PSD3: variants seen among roughly 807,000 people sequenced by gnomAD.
The protein encoded by PSD3 is pleckstrin and Sec7 domain containing 3, also known as PH and SEC7 domain-containing protein 3.
In PSD3, 49 loss-of-function variants were observed where a neutral mutation model predicts 105.5. The ratio of observed to expected loss-of-function variants is 0.46; its 90% confidence interval spans 0.37 to 0.59. The LOEUF is 0.59. PSD3 is among the 20% of genes least tolerant of loss of function. The pLI is 0.00. For synonymous variants in PSD3, 557 were observed against 457.8 expected (o/e 1.22, Z -2.77); for missense variants, 1,561 against 1,263.8 (o/e 1.24, Z -3.57).
intron 1 of PSD3, among the ~76,000 whole-genome samples, chr8:18,956,365 G>C (rs1020086039): frequency 6.6e-6 from 1 of 152,136 alleles, no homozygotes; most frequent in African/African-American, 2.4e-5. Flanking sequence ...CTGACAGTCT[G>C]CATTTCTAAC....
At position 18,903,302 on chromosome 8, in the gene PSD3, C is replaced by T. The variant is rs576698224; in HGVS notation, c.131-30569G>A. Among the ~76,000 whole-genome samples the T allele has an allele frequency of 4.1e-4, 62 of 152,242 alleles. 2 individuals are homozygous for T. In the East Asian group the frequency reaches 9.9e-3, roughly 24 times the overall value. ...ACTCGGGTCCCAGGGAATGAGTCACCTTGTGGTAGTGACTCTAGACCCTGG... is the reference window on the plus strand; with the variant it reads ...ACTCGGGTCCCAGGGAATGAGTCACTTTGTGGTAGTGACTCTAGACCCTGG... On this transcript the variant is annotated intron_variant, in intron 2 of 15. Coordinates refer to ENST00000327040, the MANE Select transcript of PSD3 (RefSeq NM_015310.4).
intron 8 of PSD3, among the ~76,000 whole-genome samples, chr8:18,786,064 C>A (rs1010883248): frequency 6.6e-6 from 1 of 152,082 alleles, no homozygotes; most frequent in African/African-American, 2.4e-5. Flanking sequence ...CTTAAACTTA[C>A]AATAAAAAGT....
At chr8:19,045,419 A>C (rs1828282292) in intron 1 of PSD3, among the ~76,000 whole-genome samples, 1 of 152,184 alleles carries the variant, frequency 6.6e-6, no homozygotes, top group South Asian at 2.1e-4. Context: ...CAAAAGTGTT[A>C]AGGGAGGTGA....
chr8:18,789,233 A>T lies in PSD3; in HGVS notation c.2082+10062T>A, dbSNP rs142191012. On this transcript the variant is annotated intron_variant, in intron 8 of 15. Transcript: ENST00000327040. ...AACCCTATTTTTATAGTAACACTAA[A>T]AACATTTTTTTCATTCTCTCAAATA... is the stretch of plus-strand genomic sequence containing the variant. Among the ~76,000 whole-genome samples, 13 of 152,248 alleles carry T rather than the reference A, an allele frequency of 8.5e-5. No individual in the cohort carries two copies. The East Asian group carries it at 2.5e-3, about 29-fold the overall frequency.
At chr8:18,637,635 C>A (rs146338882) in intron 10 of PSD3, among the ~76,000 whole-genome samples, 2 of 152,182 alleles carry the variant, frequency 1.3e-5, no homozygotes, top group Non-Finnish European at 2.9e-5. Flanking sequence ...TTGTAAAGTA[C>A]CATTTCATTT....
upstream of PSD3, among the ~76,000 whole-genome samples, chr8:19,013,838 G>T (rs1827077125): frequency 6.7e-6 from 1 of 150,350 alleles, no homozygotes; most frequent in Admixed American, 6.6e-5. Flanking sequence ...CCCGGGGGCG[G>T]AGGGCGGAGG....
rs1563368113 is a variant in PSD3 at position 18,871,635 on chromosome 8, T to C, written c.1229A>G (p.Asp410Gly). 2 of 1,601,992 alleles carry C rather than the reference T, an allele frequency of 1.2e-6. No individual in the cohort carries two copies. The highest frequency in any genetic ancestry group is 1.1e-5 in the South Asian group (1 of 88,744). ...HLEKTPKPER[D>G]RERISEQEEH... ...TACTATGGGAGCTCACCTTTCCCTG[T>C]CTCTCTCTGGTTTAGGTGTCTTCTC... The change falls in exon 3 of 16, where the codon GAC (aspartate) becomes GGC (glycine). Residue 410 changes from aspartate (D) to glycine (G), a missense_variant. Asp to Gly is a moderately conservative substitution (Grantham distance 94, BLOSUM62 -1). Transcript: ENST00000327040.
intron 1 of PSD3, among the ~76,000 whole-genome samples, chr8:18,952,352 A>T (rs1823292648): frequency 6.7e-6 from 1 of 150,328 alleles, no homozygotes; most frequent in African/African-American, 2.5e-5. Flanking sequence ...CTTGCCAGAG[A>T]CCTAAAAACG....
chr8:18,600,468 G>A, intron 11 of PSD3, 34 bp from the exon 12 acceptor site: 1 of 1,467,366 alleles, frequency 6.8e-7, no homozygotes, highest in African/African-American at 1.4e-5. Context: ...AATTTTATTT[G>A]ACATCAGCAT....
At chr8:18,784,236 G>C (rs777958611) in intron 8 of PSD3, among the ~76,000 whole-genome samples, 4 of 152,036 alleles carry the variant, frequency 2.6e-5, no homozygotes, top group Non-Finnish European at 5.9e-5. Flanking sequence ...GTGATTCTAA[G>C]CATTATTTAA....
intron 2 of PSD3, among the ~76,000 whole-genome samples, chr8:18,887,438 A>G (rs1818513102): frequency 6.6e-6 from 1 of 152,212 alleles, no homozygotes; most frequent in Non-Finnish European, 1.5e-5. Context: ...TTAAATATGA[A>G]GCCATAAACT....
intron 1 of PSD3, among the ~76,000 whole-genome samples, chr8:18,982,225 T>A (rs1427787550): frequency 1.3e-5 from 2 of 152,228 alleles, no homozygotes; most frequent in Non-Finnish European, 2.9e-5. Context: ...TGGTGCATCC[T>A]GGAATTGTAG....
intron 11 of PSD3, among the ~76,000 whole-genome samples, chr8:18,617,947 A>G (rs897905719): frequency 6.6e-6 from 1 of 152,200 alleles, no homozygotes; most frequent in Non-Finnish European, 1.5e-5. Flanking sequence ...GGAAATCTGC[A>G]TTCTATAGAG....
chr8:18,846,000 C>A (rs1490898716), intron 4 of PSD3, among the ~76,000 whole-genome samples: 2 of 152,184 alleles, frequency 1.3e-5, no homozygotes, highest in Non-Finnish European at 2.9e-5. Flanking sequence ...CGAAAGCATT[C>A]CACTCTCTGG....
At chr8:19,004,167 T>C (rs1826544934) in intron 1 of PSD3, among the ~76,000 whole-genome samples, 1 of 152,030 alleles carries the variant, frequency 6.6e-6, no homozygotes. Context: ...CAATTCTCTG[T>C]CTAATCCAGG....
chr8:18,880,936 T>C (rs1586314349), intron 2 of PSD3, among the ~76,000 whole-genome samples: 1 of 152,334 alleles, frequency 6.6e-6, no homozygotes, highest in South Asian at 2.1e-4. Flanking sequence ...GCGTGTATTT[T>C]TCCCCTTAAA....
intron 15 of PSD3, among the ~76,000 whole-genome samples, chr8:18,541,409 G>A (rs575079055): frequency 4.6e-5 from 7 of 152,290 alleles, no homozygotes; most frequent in East Asian, 3.9e-4. Context: ...GGATACCCAC[G>A]TTGATGGCAG....
intron 9 of PSD3, among the ~76,000 whole-genome samples, chr8:18,702,829 G>C (rs1325999653): frequency 6.6e-6 from 1 of 151,890 alleles, no homozygotes; most frequent in Non-Finnish European, 1.5e-5. Flanking sequence ...AGCCGGGATG[G>C]TCTCGATCTC....
chr8:18,877,418 G>A (rs1021457477), intron 2 of PSD3, among the ~76,000 whole-genome samples: 1 of 151,962 alleles, frequency 6.6e-6, no homozygotes, highest in African/African-American at 2.4e-5. Context: ...CTGTTGAAAA[G>A]ACTATTCTTT....
Sources: gnomAD v4.1 joint callset for allele counts (sites outside exome capture counted in the v4.1 genomes callset) on GRCh38, gnomAD v4.1.1 for gene constraint, MANE v1.5 for transcripts, NCBI Gene and HGNC (gene_info 2026-07-23, HGNC 2026-07-21) for gene names.